Variants in RPH3AL observed in about 807,000 individuals in gnomAD.
The protein encoded by RPH3AL is rabphilin 3A like (without C2 domains).
RPH3AL carries 38 observed loss-of-function variants against 43.1 expected under a neutral mutation model. That is an observed-to-expected ratio of 0.88 (90% CI 0.68 to 1.15). The LOEUF is 1.15. Ranked by LOEUF, RPH3AL falls within the 50% of genes most tolerant of loss-of-function variation. RPH3AL has a pLI of 0.00. For missense variants in RPH3AL, 462 were observed against 423.2 expected (o/e 1.09, Z -0.81); for synonymous variants, 189 against 176.3 (o/e 1.07, Z -0.57).
intron 6 of RPH3AL, among the ~76,000 whole-genome samples, chr17:280,756 A>C (rs1407857327): frequency 6.6e-6 from 1 of 152,184 alleles, no homozygotes; most frequent in African/African-American, 2.4e-5. Flanking sequence ...AGATAAAGAA[A>C]TAAACAAGAA....
intron 7 of RPH3AL, among the ~76,000 whole-genome samples, chr17:241,605 C>T (rs2041535419): frequency 1.3e-5 from 2 of 151,710 alleles, no homozygotes; most frequent in African/African-American, 2.4e-5. Flanking sequence ...ATTTTTATTG[C>T]TAAAACAAAA....
intron 7 of RPH3AL, among the ~76,000 whole-genome samples, chr17:235,145 G>A (rs67968605): frequency 0.21 from 31,668 of 148,956 alleles, 3,220 homozygotes; most frequent in African/African-American, 0.25. Context: ...CTAACAAGAC[G>A]GGTGCAGGGT....
chr17:350,380 G>T (rs1280381420), intron 1 of RPH3AL, among the ~76,000 whole-genome samples: 1 of 152,156 alleles, frequency 6.6e-6, no homozygotes, highest in Admixed American at 6.5e-5. Flanking sequence ...GGGAGGCCGA[G>T]GTGGGCAGAT....
intron 7 of RPH3AL, among the ~76,000 whole-genome samples, chr17:235,143 A>T (rs2041333620): frequency 6.6e-6 from 1 of 151,662 alleles, no homozygotes; most frequent in Non-Finnish European, 1.5e-5. Flanking sequence ...CACTAACAAG[A>T]CGGGTGCAGG....
chr17:342,276 G>A (rs966797068), intron 1 of RPH3AL, among the ~76,000 whole-genome samples: 51 of 152,354 alleles, frequency 3.3e-4, no homozygotes, highest in Middle Eastern at 3.4e-3. Context: ...TGGAGATGGT[G>A]CAGCCACTAT....
At chr17:310,221 AG>A (rs2043608933) in intron 5 of RPH3AL, among the ~76,000 whole-genome samples, 1 of 152,134 alleles carries the variant, frequency 6.6e-6, no homozygotes, top group South Asian at 2.1e-4. Flanking sequence ...TTAACCAGCC[AG>A]CCCCTCTCCC....
At chr17:267,959 C>G (rs2042361853) in intron 6 of RPH3AL, among the ~76,000 whole-genome samples, 1 of 152,210 alleles carries the variant, frequency 6.6e-6, no homozygotes, top group Non-Finnish European at 1.5e-5. Context: ...GTGAGCTCAT[C>G]AAGAAATAAA....
chr17:336,842 C>T (rs1178392695), intron 1 of RPH3AL, among the ~76,000 whole-genome samples: 2 of 152,196 alleles, frequency 1.3e-5, no homozygotes, highest in African/African-American at 4.8e-5. Context: ...CCGGCACCCT[C>T]TCACCTGGAA....
At chr17:234,898 C>T (rs2041326609) in intron 7 of RPH3AL, among the ~76,000 whole-genome samples, 1 of 152,176 alleles carries the variant, frequency 6.6e-6, no homozygotes, top group African/African-American at 2.4e-5. Context: ...TGGCTCTGGG[C>T]GGTCAGCAAT....
intron 7 of RPH3AL, among the ~76,000 whole-genome samples, chr17:223,296 T>C (rs557214987): frequency 6.6e-6 from 1 of 152,244 alleles, no homozygotes; most frequent in East Asian, 1.9e-4. Flanking sequence ...TTAAGTGATA[T>C]CATTGCAATA....
chr17:262,759 C>CAA (rs2042230952), intron 6 of RPH3AL, among the ~76,000 whole-genome samples: 1 of 152,208 alleles, frequency 6.6e-6, no homozygotes. Context: ...GCCCACACAC[C>CAA]AAGCCAATAT....
intron 5 of RPH3AL, among the ~76,000 whole-genome samples, chr17:316,491 G>C (rs1244955608): frequency 2.0e-5 from 3 of 146,406 alleles, no homozygotes; most frequent in South Asian, 2.2e-4. Context: ...CACCTCCACT[G>C]ACCTGTAGTC....
intron 6 of RPH3AL, among the ~76,000 whole-genome samples, chr17:258,490 G>T (rs1555545204): frequency 6.6e-6 from 1 of 152,178 alleles, no homozygotes; most frequent in African/African-American, 2.4e-5. Flanking sequence ...GATGGGGTGT[G>T]CTGGTGGGGA....
chr17:236,112 A>G (rs943312250), intron 7 of RPH3AL, among the ~76,000 whole-genome samples: 7 of 152,196 alleles, frequency 4.6e-5, no homozygotes, highest in African/African-American at 1.7e-4. Flanking sequence ...AGAAGGCCTC[A>G]CACTGTGCCA....
At chr17:230,037 C>T (rs2041195984) in intron 7 of RPH3AL, among the ~76,000 whole-genome samples, 1 of 152,110 alleles carries the variant, frequency 6.6e-6, no homozygotes, top group Non-Finnish European at 1.5e-5. Context: ...CTGGAGAGGA[C>T]ATGGTACCTG....
At chr17:221,674 C>A (rs4890170) in intron 7 of RPH3AL, among the ~76,000 whole-genome samples, 41,846 of 111,298 alleles carry the variant, frequency 0.38, 9,565 homozygotes, top group African/African-American at 0.54. Context: ...AGTGCATCAG[C>A]TCTGAGGGCT....
intron 6 of RPH3AL, among the ~76,000 whole-genome samples, chr17:266,596 G>C (rs2042330799): frequency 6.6e-6 from 1 of 152,238 alleles, no homozygotes; most frequent in Non-Finnish European, 1.5e-5. Context: ...GCCCAGGAGA[G>C]CACAGCTTTC....
In RPH3AL at chr17:245,375, G is replaced by A. The variant is rs1367839161; in HGVS notation, c.613+1736C>T. ...TATGTGGATGTCAGTGTGTGTGTGT[G>A]GATGTCAGTGTGTGTGTGGATATCA... On this transcript the variant is annotated intron_variant, in intron 7 of 9. Transcript: ENST00000331302. The surrounding 1 kb of genome is among the most constrained non-coding windows in gnomAD (Gnocchi z 5.9). Among the ~76,000 whole-genome samples, 2 of 150,144 alleles carry A rather than the reference G, an allele frequency of 1.3e-5. No homozygotes were observed. The highest frequency in any genetic ancestry group is 3.0e-5 in the Non-Finnish European group (2 of 67,488).
intron 6 of RPH3AL, among the ~76,000 whole-genome samples, chr17:269,092 A>G (rs1243872520): frequency 2.0e-5 from 3 of 152,042 alleles, no homozygotes; most frequent in African/African-American, 2.4e-5. Context: ...GTTAGCCAGG[A>G]TGGTCTCGAT....
Sources: allele counts gnomAD v4.1 joint callset (sites outside exome capture counted in the v4.1 genomes callset), GRCh38; gene constraint gnomAD v4.1.1; non-coding constraint Gnocchi (gnomAD v3.1); transcripts MANE v1.5; gene names NCBI Gene and HGNC (gene_info 2026-07-23, HGNC 2026-07-21).